ECE1: variants seen among roughly 807,000 people sequenced by gnomAD.
ECE1 encodes the protein endothelin-converting enzyme 1.
Under a neutral mutation model 98.6 loss-of-function variants are expected in ECE1, and 35 were observed. The observed-to-expected ratio is 0.35, with a 90% CI of 0.27 to 0.47. The LOEUF (loss-of-function observed/expected upper bound fraction) is 0.47, where lower values mean the gene tolerates loss of function less well. ECE1 is among the 20% of genes least tolerant of loss of function. ECE1 has a pLI of 1.00. For synonymous variants in ECE1, 394 were observed against 407.1 expected (o/e 0.97, Z 0.39); for missense variants, 814 against 1,025.3 (o/e 0.79, Z 2.81).
At chr1:21,324,416 G>A (rs907929531) in intron 1 of ECE1, among the ~76,000 whole-genome samples, 2 of 152,240 alleles carry the variant, frequency 1.3e-5, no homozygotes, top group Non-Finnish European at 2.9e-5. Context: ...ACTCAGCCCA[G>A]TGTGCTTCTG....
chr1:21,341,398 G>A (rs1639395857), intron 1 of ECE1, among the ~76,000 whole-genome samples: 1 of 152,204 alleles, frequency 6.6e-6, no homozygotes. Context: ...AAAAAATTGA[G>A]CAGAAGCACA....
chr1:21,279,212 G>GTGCTGCCAAGCAGGCCACCAGTCC lies in ECE1; in HGVS notation c.235_258dup (p.Gly79_Ala86dup). 6.2e-7 allele frequency: 1 copy of GTGCTGCCAAGCAGGCCACCAGTCC among 1,614,206 alleles called. No homozygotes were observed. The highest frequency in any genetic ancestry group is 1.1e-5 in the South Asian group (1 of 91,090). On this transcript the variant is annotated inframe_insertion, in exon 3 of 19. Coordinates refer to ENST00000374893, the MANE Select transcript of ECE1 (RefSeq NM_001397.3). ...CTACTTGTCTGGTACTGGATGCCCAGTGCTGCCAAGCAGGCCACCAGTCCT... is the reference window on the plus strand; with the variant it reads ...CTACTTGTCTGGTACTGGATGCCCAGTGCTGCCAAGCAGGCCACCAGTCCTGCTGCCAAGCAGGCCACCAGTCCT...
At chr1:21,336,863 G>A (rs933322262) in intron 1 of ECE1, among the ~76,000 whole-genome samples, 3 of 150,590 alleles carry the variant, frequency 2.0e-5, no homozygotes, top group South Asian at 2.1e-4. Context: ...GCGAGACTCC[G>A]TCTAAAAAAA....
At chr1:21,278,134 G>A (rs1231669621) in intron 3 of ECE1, among the ~76,000 whole-genome samples, 1 of 152,220 alleles carries the variant, frequency 6.6e-6, no homozygotes, top group African/African-American at 2.4e-5. Context: ...AGAGCCCCCA[G>A]AGGCTGCTCA....
In ECE1 at chr1:21,258,931, C is replaced by G. The variant is rs2098223400; in HGVS notation, c.616-92G>C. On this transcript the variant is annotated intron_variant, in intron 5 of 18. Coordinates refer to ENST00000374893, the MANE Select transcript of ECE1 (RefSeq NM_001397.3). The surrounding 1 kb of genome is among the most constrained non-coding windows in gnomAD (Gnocchi z 4.2). ...TCTGCCGCTGACTTGCTCTGTGACCCTGGAGCAGTCGCCTGACCTCTCTGA... is the reference window on the plus strand; with the variant it reads ...TCTGCCGCTGACTTGCTCTGTGACCGTGGAGCAGTCGCCTGACCTCTCTGA... 6.5e-7 allele frequency: 1 copy of G among 1,539,708 alleles called. No individual in the cohort carries two copies. Among genetic ancestry groups the G allele is most frequent in the Non-Finnish European group, 8.8e-7 (1 of 1,132,564 alleles).
In ECE1 at chr1:21,322,442, G is replaced by A. The variant is rs1569756427; in HGVS notation, c.3+22934C>T. Among the ~76,000 whole-genome samples the A allele has an allele frequency of 6.6e-6, 1 of 152,352 alleles. No homozygotes were observed. Among genetic ancestry groups the A allele is most frequent in the East Asian group, 1.9e-4 (1 of 5,180 alleles). ...GCACAGTTGCCATGGAAACACCAGT[G>A]GGTTCTTTGGGGGCAGGAGAGCAAC... On this transcript the variant is annotated intron_variant, in intron 1 of 18. Transcript: ENST00000415912. The surrounding 1 kb of genome is among the most constrained non-coding windows in gnomAD (Gnocchi z 4.1).
At chr1:21,316,429 G>C (rs1024599455) in intron 1 of ECE1, among the ~76,000 whole-genome samples, 1 of 151,298 alleles carries the variant, frequency 6.6e-6, no homozygotes, top group African/African-American at 2.4e-5. Flanking sequence ...CCACCACACT[G>C]AGCTAATTTT....
At chr1:21,231,754 A>G (rs1329972816) in intron 14 of ECE1, among the ~76,000 whole-genome samples, 1 of 152,074 alleles carries the variant, frequency 6.6e-6, no homozygotes, top group East Asian at 1.9e-4. Flanking sequence ...TCCTGGGCTC[A>G]AGCGCATGCT....
chr1:21,235,774 C>A lies in ECE1; in HGVS notation c.1566+76G>T. 5 of 1,482,924 alleles carry A rather than the reference C, an allele frequency of 3.4e-6. No homozygotes were observed. The highest frequency in any genetic ancestry group is 4.7e-6 in the Non-Finnish European group (5 of 1,060,534). 91.9% of individuals were successfully genotyped at this position (1,482,924 alleles called of 1,614,324 possible). A position where few individuals can be genotyped will look rare whatever the true frequency, so the allele number is the denominator to read the frequency against. On this transcript the variant is annotated intron_variant, in intron 13 of 18. Coordinates refer to ENST00000374893, the MANE Select transcript of ECE1 (RefSeq NM_001397.3). This position sits in a 1 kb window ranked among gnomAD's most constrained non-coding sequence, Gnocchi z 4.2. The stretch of plus-strand genomic sequence containing the variant: ...AACCATGCTGCCTCTAGCACCCCAT[C>A]TGGACCCAGCCCTGCCTCGGCCCTT...
rs2098223222 is a variant in ECE1, at chr1:21,258,817, C to G, written c.638G>C (p.Gly213Ala). The G allele has an allele frequency of 6.2e-7, 1 of 1,613,990 alleles. No individual in the cohort carries two copies. The highest frequency in any genetic ancestry group is 1.1e-5 in the South Asian group (1 of 91,088). The change falls in exon 6 of 19, where the codon GGT becomes GCT. Residue 213 changes from glycine to alanine, a missense_variant. Gly to Ala is a moderately conservative substitution (Grantham distance 60). This residue lies in a region of ECE1 where 105 missense variants were observed against 179.1 expected (regional missense o/e 0.59). Transcript: ENST00000374893. The surrounding 1 kb of genome is among the most constrained non-coding windows in gnomAD (Gnocchi z 4.2). ...IERLGGWNIT[G>A]PWAKDNFQDT... The stretch of plus-strand genomic sequence containing the variant: ...CTGGAAGTTGTCCTTGGCCCAGGGA[C>G]CTGTGATGTTCCAGCCCCCGAGCTG...
Position 21,223,753 on chromosome 1 carries a change from C to T in ECE1, c.2040+1497G>A, listed in dbSNP as rs546794302. On this transcript the variant is annotated intron_variant, in intron 17 of 18. Coordinates refer to ENST00000374893, the MANE Select transcript of ECE1 (RefSeq NM_001397.3). Reference sequence around the variant, plus strand: ...TGCTGGGATTACAGGCATGAGCCACCGTGCCCAGCCATTTTTATATTTTTA... The same window carrying T: ...TGCTGGGATTACAGGCATGAGCCACTGTGCCCAGCCATTTTTATATTTTTA... Among the ~76,000 whole-genome samples, 21 of 151,858 alleles carry T rather than the reference C, an allele frequency of 1.4e-4. 1 individual carries two copies. The highest frequency in any genetic ancestry group is 4.8e-4 in the African/African-American group (20 of 41,412).
chr1:21,282,362 C>T (rs562366937), intron 2 of ECE1, among the ~76,000 whole-genome samples: 3 of 150,486 alleles, frequency 2.0e-5, no homozygotes, highest in South Asian at 4.2e-4. Context: ...GTGAGGTGGG[C>T]GGATCACCTG....
intron 4 of ECE1, among the ~76,000 whole-genome samples, chr1:21,268,339 G>A (rs1252477736): frequency 1.3e-5 from 2 of 152,156 alleles, no homozygotes; most frequent in African/African-American, 4.8e-5. Flanking sequence ...AACCTACAAG[G>A]ACAGCCCATG....
intron 11 of ECE1, among the ~76,000 whole-genome samples, chr1:21,237,074 G>C (rs2098189211): frequency 6.6e-6 from 1 of 152,126 alleles, no homozygotes; most frequent in African/African-American, 2.4e-5. Context: ...AATAAGCTTA[G>C]GATGAGCTTC....
chr1:21,324,261 C>G (rs1270221695), intron 1 of ECE1, among the ~76,000 whole-genome samples: 1 of 152,200 alleles, frequency 6.6e-6, no homozygotes, highest in Non-Finnish European at 1.5e-5. Context: ...CTCAGCCTCC[C>G]AAGTAGCTGG....
chr1:21,241,971 T>C (rs2098197071), intron 10 of ECE1, among the ~76,000 whole-genome samples: 1 of 152,170 alleles, frequency 6.6e-6, no homozygotes, highest in African/African-American at 2.4e-5. Context: ...CTGCAATTTT[T>C]TTTTTAACCT....
intron 1 of ECE1, among the ~76,000 whole-genome samples, chr1:21,316,412 G>A (rs1027716988): frequency 6.6e-6 from 1 of 152,152 alleles, no homozygotes; most frequent in African/African-American, 2.4e-5. Context: ...GGGGTTACAG[G>A]CGTGCGCCAC....
At chr1:21,278,831 G>C (rs538604057) in intron 3 of ECE1, among the ~76,000 whole-genome samples, 24 of 152,296 alleles carry the variant, frequency 1.6e-4, no homozygotes, top group African/African-American at 5.5e-4. Flanking sequence ...GAAGTCCTAC[G>C]AGGCACCAGC....
chr1:21,286,649 A>T (rs758047221), intron 2 of ECE1, among the ~76,000 whole-genome samples: 4 of 152,162 alleles, frequency 2.6e-5, no homozygotes, highest in Non-Finnish European at 5.9e-5. Context: ...GAAAAAGAAC[A>T]GGTTAGGCAC....
Sources: allele counts gnomAD v4.1 joint callset (sites outside exome capture counted in the v4.1 genomes callset), GRCh38; gene constraint gnomAD v4.1.1; regional missense constraint gnomAD v4.1.1; non-coding constraint Gnocchi (gnomAD v3.1); transcripts MANE v1.5; gene names NCBI Gene and HGNC (gene_info 2026-07-23, HGNC 2026-07-21).